IL1RAPL2: variants seen among roughly 807,000 people sequenced by gnomAD.
IL1RAPL2 encodes X-linked interleukin-1 receptor accessory protein-like 2.
Under a neutral mutation model 44.1 loss-of-function variants are expected in IL1RAPL2, and 3 were observed. The ratio of observed to expected loss-of-function variants is 0.07; its 90% CI spans 0.03 to 0.18. The LOEUF (loss-of-function observed/expected upper bound fraction) is 0.18. Among genes scored for constraint, IL1RAPL2 ranks in the 10% least tolerant of loss-of-function variants. The pLI is 1.00. For synonymous variants in IL1RAPL2, 181 were observed against 178.8 expected (o/e 1.01, Z -0.10); for missense variants, 391 against 496.4 (o/e 0.79, Z 2.02).
At chrX:104,976,943 T>C (rs1602864697) in intron 2 of IL1RAPL2, among the ~76,000 whole-genome samples, 1 of 108,607 alleles carries the variant, frequency 9.2e-6, no homozygotes, top group East Asian at 2.9e-4. Flanking sequence ...ATTTTAGGAC[T>C]GAAAATAAAA....
At chrX:104,604,195 G>A (rs1386833320) in intron 1 of IL1RAPL2, among the ~76,000 whole-genome samples, 11 of 111,759 alleles carry the variant, frequency 9.8e-5, no homozygotes, top group African/African-American at 3.6e-4. Context: ...AATTTCATAT[G>A]CAGCCAAACT....
chrX:105,367,985 C>A (rs997696376), intron 5 of IL1RAPL2, among the ~76,000 whole-genome samples: 1 of 110,268 alleles, frequency 9.1e-6, no homozygotes, highest in Non-Finnish European at 1.9e-5. Flanking sequence ...TTAATCTCCC[C>A]TTCATTTTTG....
intron 2 of IL1RAPL2, among the ~76,000 whole-genome samples, chrX:104,943,096 C>T (rs1925236388): frequency 9.0e-6 from 1 of 111,117 alleles, no homozygotes; most frequent in Non-Finnish European, 1.9e-5. Context: ...TTCGGTTTGC[C>T]AGTATTTTAT....
chrX:105,324,554 GT>G (rs1162904238), intron 5 of IL1RAPL2, among the ~76,000 whole-genome samples: 1 of 111,101 alleles, frequency 9.0e-6, no homozygotes, highest in Admixed American at 9.6e-5. Flanking sequence ...ATATATGCAT[GT>G]TTTTTCTTCT....
intron 6 of IL1RAPL2, among the ~76,000 whole-genome samples, chrX:105,548,261 T>C (rs2036821837): frequency 9.1e-6 from 1 of 109,861 alleles, no homozygotes; most frequent in African/African-American, 3.4e-5. Context: ...AATATATATA[T>C]ATTGAAATTA....
chrX:104,775,236 C>T (rs986654708), intron 2 of IL1RAPL2, among the ~76,000 whole-genome samples: 3 of 112,422 alleles, frequency 2.7e-5, no homozygotes, highest in African/African-American at 9.7e-5. Context: ...AGTTATCTTA[C>T]AAGCTGTCTA....
At chrX:105,729,296 T>A (rs954734296) in intron 7 of IL1RAPL2, among the ~76,000 whole-genome samples, 1 of 111,719 alleles carries the variant, frequency 9.0e-6, no homozygotes, top group East Asian at 2.8e-4. Flanking sequence ...AAAGTGGCTG[T>A]ACCATTTTGC....
intron 6 of IL1RAPL2, among the ~76,000 whole-genome samples, chrX:105,578,677 G>A (rs1012830410): frequency 1.8e-5 from 2 of 111,070 alleles, no homozygotes; most frequent in African/African-American, 6.6e-5. Context: ...AAACTCTAGT[G>A]CCAATACTTA....
chrX:104,792,962 T>A (rs1932833269), intron 2 of IL1RAPL2, among the ~76,000 whole-genome samples: 1 of 112,240 alleles, frequency 8.9e-6, no homozygotes, highest in Non-Finnish European at 1.9e-5. Context: ...TTTCTCTTGG[T>A]CAAAATTTAT....
intron 5 of IL1RAPL2, among the ~76,000 whole-genome samples, chrX:105,281,543 T>A (rs181373238): frequency 1.2e-3 from 136 of 112,284 alleles, no homozygotes; most frequent in Non-Finnish European, 8.6e-4. Context: ...AAAACGGTGG[T>A]CCCATAAGAT....
chrX:105,205,988 C>T (rs2033760789), intron 3 of IL1RAPL2, among the ~76,000 whole-genome samples: 2 of 110,161 alleles, frequency 1.8e-5, no homozygotes, highest in Admixed American at 1.9e-4. Flanking sequence ...GAATGAATCC[C>T]AGATATATAT....
chrX:105,215,329 C>A (rs1556164089), intron 3 of IL1RAPL2, among the ~76,000 whole-genome samples: 1 of 112,049 alleles, frequency 8.9e-6, no homozygotes, highest in East Asian at 2.8e-4. Context: ...ATACTATAAA[C>A]ACCTCTACGC....
chrX:105,447,618 CAT>C (rs1426809635), intron 5 of IL1RAPL2, among the ~76,000 whole-genome samples: 3 of 62,956 alleles, frequency 4.8e-5, no homozygotes, highest in Non-Finnish European at 8.0e-5. Context: ...AATATATAAA[CAT>C]AAATATATAT....
At chrX:104,919,537 T>TTC (rs202132849) in intron 2 of IL1RAPL2, among the ~76,000 whole-genome samples, 2 of 99,799 alleles carry the variant, frequency 2.0e-5, no homozygotes, top group African/African-American at 7.4e-5. Flanking sequence ...TTTTTTTTTT[T>TTC]CTTTTTTCTG....
chrX:104,771,920 A>T (rs942195387), intron 2 of IL1RAPL2, among the ~76,000 whole-genome samples: 5 of 112,076 alleles, frequency 4.5e-5, no homozygotes, highest in African/African-American at 1.6e-4. Context: ...TAAAACACAA[A>T]AATGTTATGG....
At chrX:104,689,340 C>G (rs1931049050) in intron 2 of IL1RAPL2, among the ~76,000 whole-genome samples, 1 of 111,242 alleles carries the variant, frequency 9.0e-6, no homozygotes, top group South Asian at 3.8e-4. Flanking sequence ...ACATGCTTAC[C>G]TAATTTTCAG....
intron 1 of IL1RAPL2, among the ~76,000 whole-genome samples, chrX:104,608,147 CAT>C (rs967207557): frequency 4.5e-5 from 5 of 110,521 alleles, no homozygotes; most frequent in African/African-American, 1.6e-4. Context: ...CCAAACACCA[CAT>C]GTTTTCACTC....
chrX:105,607,356 G>T lies in IL1RAPL2; in HGVS notation c.773-110011G>T, dbSNP rs769709533. ...ATGGTACGTGGTATGGATTGTTTTT[G>T]CTTTTTTTCATTTATTTCATAACAA... On this transcript the variant is annotated intron_variant, in intron 6 of 10. Transcript: ENST00000372582. Among the ~76,000 whole-genome samples the T allele has an allele frequency of 4.7e-5, 5 of 107,095 alleles. No individual in the cohort carries two copies. In the East Asian group the frequency reaches 1.5e-3, roughly 33 times the overall value. The allele number at this position is 107,095 out of a possible 115,157, so 93.0% of individuals were successfully genotyped here.
At chrX:105,278,149 C>T (rs980330106) in intron 5 of IL1RAPL2, among the ~76,000 whole-genome samples, 66 of 111,769 alleles carry the variant, frequency 5.9e-4, no homozygotes, top group Non-Finnish European at 1.1e-3. Context: ...GCATTCATTC[C>T]TGTGGGCTTA....
Sources: allele counts gnomAD v4.1 joint callset (sites outside exome capture counted in the v4.1 genomes callset), GRCh38; gene constraint gnomAD v4.1.1; transcripts MANE v1.5; gene names NCBI Gene and HGNC (gene_info 2026-07-23, HGNC 2026-07-21).